Variants in DAB2 observed in about 807,000 individuals in gnomAD.
DAB2 encodes the protein DAB adaptor protein 2.
A neutral mutation model predicts 71.6 loss-of-function variants in DAB2; 28 were observed. The observed-to-expected ratio is 0.39, with a 90% CI of 0.29 to 0.54. The LOEUF (loss-of-function observed/expected upper bound fraction) is 0.54. Ranked by LOEUF, DAB2 falls within the 20% of genes least tolerant of loss-of-function variation. The pLI, the probability that DAB2 is intolerant of heterozygous loss-of-function variation, is 0.68. For missense variants in DAB2, 867 were observed against 928.8 expected, an observed-to-expected ratio of 0.93 and a Z score of 0.86; for synonymous variants, 345 against 339.7, an observed-to-expected ratio of 1.02 and a Z score of -0.17.
chr5:39,392,033 T>C (rs1263514941), intron 4 of DAB2, among the ~76,000 whole-genome samples: 1 of 147,730 alleles, frequency 6.8e-6, no homozygotes. Context: ...ATTTATATTT[T>C]AATGTATATT....
At chr5:39,384,509 C>T (rs1755051935) in intron 9 of DAB2, among the ~76,000 whole-genome samples, 1 of 152,076 alleles carries the variant, frequency 6.6e-6, no homozygotes, top group Non-Finnish European at 1.5e-5. Context: ...TAAAGGGGGA[C>T]TATTGTACAA....
At chr5:39,408,630 A>G (rs375485340) in intron 1 of DAB2, 2 of 152,316 alleles carry the variant, frequency 1.3e-5, no homozygotes, top group African/African-American at 4.8e-5. Flanking sequence ...ATGGTTCTTC[A>G]TGATTTAGTT....
chr5:39,381,358 T>C (rs931630447), intron 11 of DAB2, 96 bp downstream of exon 11: 1 of 1,306,770 alleles, frequency 7.7e-7, no homozygotes, highest in Admixed American at 2.0e-5. Context: ...TCTTATGCTG[T>C]AAAACCCTCT....
chr5:39,382,946 C>T lies in DAB2; in HGVS notation c.1013G>A (p.Gly338Asp), dbSNP rs750424788. 1 of 1,614,140 alleles carries T rather than the reference C, an allele frequency of 6.2e-7. No individual in the cohort carries two copies. Among genetic ancestry groups the T allele is most frequent in the Admixed American group, 1.7e-5 (1 of 60,030 alleles). ...TTGCTGACCAAAGTAGTCAACATCA[C>T]CATTCAGGGGCCCATTACTCAGCGG... is the stretch of plus-strand genomic sequence containing the variant. ...STPLSNGPLNGDVDYFGQQFD... is the reference protein window; with the variant it reads ...STPLSNGPLNDDVDYFGQQFD... Residue 338 changes from glycine to aspartate, a missense_variant, in exon 10 of 15, where the codon GGT (glycine) becomes GAT (aspartate). Gly to Asp is a moderately conservative substitution (Grantham distance 94). Coordinates refer to ENST00000320816, the MANE Select transcript of DAB2 (RefSeq NM_001343.4).
In DAB2 at chr5:39,422,112, A is replaced by G. The variant is rs1167238458; in HGVS notation, c.-102+2692T>C. On this transcript the variant is annotated intron_variant, in intron 1 of 14. Transcript: ENST00000320816. This position sits in a 1 kb window ranked among gnomAD's most constrained non-coding sequence, Gnocchi z 4.1. Reference sequence around the variant, plus strand: ...ACAAAACAAAAATCTGTTTCACCTAAATATGATTTTGGCCAACCTTTGTGC... The same window carrying G: ...ACAAAACAAAAATCTGTTTCACCTAGATATGATTTTGGCCAACCTTTGTGC... Among the ~76,000 whole-genome samples, 1 of 152,100 alleles carries G rather than the reference A, an allele frequency of 6.6e-6. No individual in the cohort carries two copies. Among genetic ancestry groups the G allele is most frequent in the African/African-American group, 2.4e-5 (1 of 41,404 alleles).
Position 39,389,102 on chromosome 5 carries a change from C to T in DAB2, c.565G>A (p.Val189Ile), listed in dbSNP as rs776790251. 14 of 1,613,112 alleles carry T rather than the reference C, an allele frequency of 8.7e-6. No individual in the cohort carries two copies. The highest frequency in any genetic ancestry group is 1.7e-6 in the Non-Finnish European group (2 of 1,179,358). The part of the protein sequence containing the change: ...KKKIEEASKA[V>I]ENGSEALMIL... ...AAGTAAAGATGCAATTTTACCTCAACTGCTTTGCTGGCTTCCTCTATCTAA... is the reference window on the plus strand; with the variant it reads ...AAGTAAAGATGCAATTTTACCTCAATTGCTTTGCTGGCTTCCTCTATCTAA... The change falls in exon 7 of 15, where the codon GTT (valine) becomes ATT (isoleucine). Residue 189 changes from valine (V) to isoleucine (I), a missense_variant. Transcript: ENST00000320816.
intron 1 of DAB2, among the ~76,000 whole-genome samples, chr5:39,400,227 GTC>G (rs1310262295): frequency 6.6e-6 from 1 of 151,584 alleles, no homozygotes; most frequent in African/African-American, 2.4e-5. Flanking sequence ...AACAGAATGT[GTC>G]TCTCTTTTTT....
chr5:39,389,230 C>A, intron 6 of DAB2, 107 bp from the exon 7 acceptor site: 1 of 798,170 alleles, frequency 1.3e-6, no homozygotes, highest in South Asian at 1.7e-5. Flanking sequence ...AAGAATAAGT[C>A]TTGTATATTA....
rs1754851223 is a variant in DAB2 at position 39,377,073 on chromosome 5, C to A, written c.1714G>T (p.Val572Phe). 1.2e-6 allele frequency: 2 copies of A among 1,614,144 alleles called. No individual in the cohort carries two copies. Among genetic ancestry groups the A allele is most frequent in the East Asian group, 4.5e-5 (2 of 44,870 alleles). Residue 572 changes from valine to phenylalanine, a missense_variant, in exon 12 of 15, where the codon GTC (valine) becomes TTC (phenylalanine). Around this residue, in one of 2 missense-constraint regions of DAB2, gnomAD observed 740 missense variants for 734.3 expected, o/e 1.01. Transcript: ENST00000320816. ...GCCACAGATGCAGAAGGGCCCCAGA[C>A]AACAGGCACTGGAGGGGGAGTTGAG... Reference protein sequence around the residue: ...AASTPPPVPVVWGPSASVAPN... With the variant: ...AASTPPPVPVFWGPSASVAPN...
rs267600626 is a variant in DAB2 at position 39,383,042 on chromosome 5, G to A, written c.917C>T (p.Ser306Leu). 7 of 1,613,944 alleles carry A rather than the reference G, an allele frequency of 4.3e-6. No individual in the cohort carries two copies. The highest frequency in any genetic ancestry group is 2.2e-5 in the East Asian group (1 of 44,860). The change falls in exon 10 of 15, where the codon TCG becomes TTG. Residue 306 changes from serine to leucine, a missense_variant. Physicochemically the swap from Ser to Leu is moderately radical, Grantham distance 145. This residue lies in a region of DAB2 where 740 missense variants were observed against 734.3 expected (regional missense o/e 1.01). Transcript: ENST00000320816. ...RDDPFTQPDQSTPSSFDSLKS... is the reference protein window; with the variant it reads ...RDDPFTQPDQLTPSSFDSLKS... ...GAGAGAATCAAACGAAGAAGGTGTC[G>A]ATTGGTCTGGCTGTGTGAAAGGATC...
chr5:39,411,065 C>A (rs542548427), intron 1 of DAB2, among the ~76,000 whole-genome samples: 1 of 152,118 alleles, frequency 6.6e-6, no homozygotes, highest in South Asian at 2.1e-4. Flanking sequence ...TGAATGCACA[C>A]CAGTCTTTAA....
intron 1 of DAB2, among the ~76,000 whole-genome samples, chr5:39,398,357 T>C (rs1314500909): frequency 6.6e-6 from 1 of 152,140 alleles, no homozygotes; most frequent in East Asian, 1.9e-4. Flanking sequence ...TTGCTGTAAG[T>C]TTTTATAGCA....
At chr5:39,385,871 C>T (rs73078548) in intron 9 of DAB2, among the ~76,000 whole-genome samples, 151 of 152,278 alleles carry the variant, frequency 9.9e-4, no homozygotes, top group African/African-American at 3.4e-3. Flanking sequence ...GTTTCTAGCC[C>T]AACTATGATC....
chr5:39,396,109 C>T (rs1175487252), intron 1 of DAB2, among the ~76,000 whole-genome samples: 4 of 151,744 alleles, frequency 2.6e-5, no homozygotes, highest in East Asian at 1.9e-4. Flanking sequence ...GCACTACGCC[C>T]GGCTAAGTTT....
At chr5:39,421,777 C>T (rs1337284477) in intron 1 of DAB2, among the ~76,000 whole-genome samples, 1 of 151,828 alleles carries the variant, frequency 6.6e-6, no homozygotes, top group Non-Finnish European at 1.5e-5. Flanking sequence ...TTCATCTGGC[C>T]GGGTGTGGTG....
intron 1 of DAB2, among the ~76,000 whole-genome samples, chr5:39,407,909 C>T (rs1438121785): frequency 6.6e-6 from 1 of 152,194 alleles, no homozygotes; most frequent in African/African-American, 2.4e-5. Flanking sequence ...CACCAGGGCA[C>T]TTTAAAACAA....
chr5:39,392,888 C>A (rs1293505595), intron 3 of DAB2, among the ~76,000 whole-genome samples: 2 of 152,172 alleles, frequency 1.3e-5, no homozygotes, highest in African/African-American at 4.8e-5. Flanking sequence ...TTTATCAGAA[C>A]AATTCCCAGG....
At chr5:39,374,329 A>C (rs1303032081) in intron 14 of DAB2, among the ~76,000 whole-genome samples, 1 of 141,880 alleles carries the variant, frequency 7.0e-6, no homozygotes, top group Non-Finnish European at 1.6e-5. Flanking sequence ...AGATCAGAAT[A>C]AAGTTGCTGT....
At chr5:39,402,939 C>G (rs144069710) in intron 1 of DAB2, among the ~76,000 whole-genome samples, 1 of 152,324 alleles carries the variant, frequency 6.6e-6, no homozygotes, top group African/African-American at 2.4e-5. Flanking sequence ...TTTAGAAGCT[C>G]TGCTTCACAT....
Sources: gnomAD v4.1 joint callset for allele counts (sites outside exome capture counted in the v4.1 genomes callset) on GRCh38, gnomAD v4.1.1 for gene constraint, gnomAD v4.1.1 regional missense constraint, Gnocchi (gnomAD v3.1) non-coding constraint, MANE v1.5 for transcripts, NCBI Gene and HGNC (gene_info 2026-07-23, HGNC 2026-07-21) for gene names.